CTNNA3: variants seen among roughly 807,000 people sequenced by gnomAD.
CTNNA3 encodes the protein catenin alpha 3, also known as catenin alpha-3.
A neutral mutation model predicts 95.7 loss-of-function variants in CTNNA3; 76 were observed. That is an observed-to-expected ratio of 0.79 (90% CI 0.66 to 0.96). The LOEUF (loss-of-function observed/expected upper bound fraction) is 0.96, where lower values mean the gene tolerates loss of function less well. Among genes scored for constraint, CTNNA3 ranks in the 40% least tolerant of loss-of-function variants. CTNNA3 has a pLI of 0.00. For synonymous variants in CTNNA3, 431 were observed against 374.4 expected (o/e 1.15, Z -1.74); for missense variants, 1,191 against 1,089.8 (o/e 1.09, Z -1.31).
intron 17 of CTNNA3, among the ~76,000 whole-genome samples, chr10:65,952,473 T>C (rs1453429602): frequency 6.6e-6 from 1 of 152,174 alleles, no homozygotes; most frequent in Non-Finnish European, 1.5e-5. Flanking sequence ...TCTTCATTTC[T>C]TTTGCTTCTC....
chr10:66,259,109 A>G (rs907862587), intron 13 of CTNNA3, among the ~76,000 whole-genome samples: 2 of 152,074 alleles, frequency 1.3e-5, no homozygotes, highest in African/African-American at 4.8e-5. Context: ...CATTAAGTTT[A>G]TATCATCCAG....
chr10:66,123,829 G>A (rs992885213), intron 13 of CTNNA3, among the ~76,000 whole-genome samples: 1 of 152,132 alleles, frequency 6.6e-6, no homozygotes, highest in Non-Finnish European at 1.5e-5. Flanking sequence ...CTTTATTCAT[G>A]GCTGGAGCAG....
At chr10:67,058,570 A>C (rs1184874074) in intron 7 of CTNNA3, among the ~76,000 whole-genome samples, 1 of 152,126 alleles carries the variant, frequency 6.6e-6, no homozygotes, top group African/African-American at 2.4e-5. Flanking sequence ...CCCTCCTCAC[A>C]AGGTATCATT....
intron 11 of CTNNA3, among the ~76,000 whole-genome samples, chr10:66,506,045 G>T (rs1280455220): frequency 1.3e-5 from 2 of 152,166 alleles, no homozygotes; most frequent in Non-Finnish European, 2.9e-5. Flanking sequence ...ATGGCAGAAG[G>T]TGATGGGGAG....
At chr10:67,060,087 G>C (rs1269921959) in intron 7 of CTNNA3, among the ~76,000 whole-genome samples, 1 of 152,054 alleles carries the variant, frequency 6.6e-6, no homozygotes, top group Non-Finnish European at 1.5e-5. Flanking sequence ...ATGCCAGGGC[G>C]GGTGGATCAC....
intron 10 of CTNNA3, among the ~76,000 whole-genome samples, chr10:66,573,295 G>C (rs1237072725): frequency 6.6e-6 from 1 of 152,046 alleles, no homozygotes; most frequent in East Asian, 1.9e-4. Flanking sequence ...CTAATGATAT[G>C]CATTATTTCT....
At chr10:67,301,871 A>C (rs1240570131) in intron 5 of CTNNA3, among the ~76,000 whole-genome samples, 1 of 151,958 alleles carries the variant, frequency 6.6e-6, no homozygotes, top group African/African-American at 2.4e-5. Flanking sequence ...CGGGAGGCTG[A>C]GGCAGGAGAA....
chr10:66,480,667 C>A (rs568866751), intron 11 of CTNNA3, among the ~76,000 whole-genome samples: 3 of 152,172 alleles, frequency 2.0e-5, no homozygotes, highest in African/African-American at 7.2e-5. Context: ...TGCAGTGGCG[C>A]AATCTCGGCT....
chr10:67,529,690 A>G (rs1014742211), intron 4 of CTNNA3, among the ~76,000 whole-genome samples: 1 of 152,050 alleles, frequency 6.6e-6, no homozygotes, highest in Non-Finnish European at 1.5e-5. Context: ...AATTTAAAAA[A>G]TATACGTTTG....
In CTNNA3 at chr10:66,583,415, T is replaced by G. The variant is rs550185321; in HGVS notation, c.1374+38277A>C. Among the ~76,000 whole-genome samples, 268 of 151,650 alleles carry G rather than the reference T, an allele frequency of 1.8e-3. 1 individual carries two copies. The highest frequency in any genetic ancestry group is 5.9e-3 in the African/African-American group (243 of 41,434). ...TCTTCCTGATTCAAGCTAGCGGGGG[T>G]TGTATGTTTCCAGGAATTAATTCAT... On this transcript the variant is annotated intron_variant, in intron 10 of 17. Transcript: ENST00000433211.
chr10:65,972,006 T>C (rs1207941404), intron 16 of CTNNA3, among the ~76,000 whole-genome samples: 1 of 152,108 alleles, frequency 6.6e-6, no homozygotes, highest in Admixed American at 6.6e-5. Flanking sequence ...TGGTTTAATA[T>C]AGACAAATCA....
At chr10:66,796,315 G>A (rs543882118) in intron 7 of CTNNA3, among the ~76,000 whole-genome samples, 2 of 152,008 alleles carry the variant, frequency 1.3e-5, no homozygotes, top group Non-Finnish European at 2.9e-5. Context: ...GTATTTCTGT[G>A]TCTCAGGGAA....
intron 2 of CTNNA3, among the ~76,000 whole-genome samples, chr10:67,609,090 C>CAAAAAAAAAAAA (rs397977100): frequency 2.5e-5 from 2 of 79,686 alleles, no homozygotes; most frequent in Non-Finnish European, 5.1e-5. Flanking sequence ...AACTCTATCT[C>CAAAAAAAAAAAA]AAAAAAAAAA....
chr10:66,774,144 G>A (rs996876659), intron 8 of CTNNA3, among the ~76,000 whole-genome samples: 2 of 152,126 alleles, frequency 1.3e-5, no homozygotes, highest in Non-Finnish European at 2.9e-5. Context: ...TATGCATAAT[G>A]TTGTTGAAGG....
intron 13 of CTNNA3, among the ~76,000 whole-genome samples, chr10:66,231,342 G>GT (rs1425958574): frequency 1.3e-5 from 2 of 152,038 alleles, no homozygotes; most frequent in East Asian, 3.9e-4. Context: ...GCCTCAGAGG[G>GT]TTTTTGATAT....
At chr10:67,052,133 C>T (rs188812502) in intron 7 of CTNNA3, among the ~76,000 whole-genome samples, 60 of 152,254 alleles carry the variant, frequency 3.9e-4, no homozygotes, top group Middle Eastern at 3.4e-3. Context: ...AACCACCTTA[C>T]CTAGTTACAA....
chr10:66,043,153 A>AG (rs1452851728), intron 15 of CTNNA3, among the ~76,000 whole-genome samples: 15 of 132,350 alleles, frequency 1.1e-4, no homozygotes, highest in African/African-American at 3.4e-4. Context: ...AAAAAAAAAA[A>AG]AGAGAGAGAG....
intron 5 of CTNNA3, among the ~76,000 whole-genome samples, chr10:67,458,324 C>T (rs1847247304): frequency 6.6e-6 from 1 of 152,030 alleles, no homozygotes; most frequent in African/African-American, 2.4e-5. Context: ...CTATTCCAAT[C>T]ACTTCATTTT....
At chr10:66,015,717 A>G (rs1401162260) in intron 15 of CTNNA3, among the ~76,000 whole-genome samples, 1 of 152,182 alleles carries the variant, frequency 6.6e-6, no homozygotes, top group Non-Finnish European at 1.5e-5. Flanking sequence ...CATTACCTAC[A>G]TAAATGCTTA....
Sources: allele counts gnomAD v4.1 joint callset (sites outside exome capture counted in the v4.1 genomes callset), GRCh38; gene constraint gnomAD v4.1.1; transcripts MANE v1.5; gene names NCBI Gene and HGNC (gene_info 2026-07-23, HGNC 2026-07-21).